The following PRDX1 variants were observed in gnomAD, a reference collection of about 807,000 sequenced individuals.
PRDX1 encodes peroxiredoxin-1.
Under a neutral mutation model 20.7 loss-of-function variants are expected in PRDX1, and 19 were observed. The observed-to-expected ratio is 0.92, with a 90% CI of 0.64 to 1.35. PRDX1 has a LOEUF of 1.35. Among genes scored for constraint, PRDX1 ranks in the 40% most tolerant of loss-of-function variants. The pLI is 0.00. For missense variants in PRDX1, 226 were observed against 240.0 expected, an observed-to-expected ratio of 0.94 and a Z score of 0.38; for synonymous variants, 89 against 83.9, an observed-to-expected ratio of 1.06 and a Z score of -0.33.
chr1:45,521,311 T>A (rs1405644277), intron 1 of PRDX1, among the ~76,000 whole-genome samples: 1 of 151,964 alleles, frequency 6.6e-6, no homozygotes, highest in Non-Finnish European at 1.5e-5. Context: ...GCAGAGAGAG[T>A]GCTTCAGCGG....
chr1:45,516,145 T>G (rs1444071444), intron 2 of PRDX1, among the ~76,000 whole-genome samples: 1 of 152,264 alleles, frequency 6.6e-6, no homozygotes, highest in Admixed American at 6.5e-5. Flanking sequence ...GATGCACTTA[T>G]AAGCATGGCC....
intron 1 of PRDX1, among the ~76,000 whole-genome samples, chr1:45,520,795 T>G (rs1447406020): frequency 3.4e-5 from 5 of 147,200 alleles, no homozygotes; most frequent in Non-Finnish European, 5.9e-5. Flanking sequence ...TCCCAGCTAC[T>G]CCTAAGGCTG....
At position 45,511,364 on chromosome 1, in the gene PRDX1, G is replaced by C. The variant is rs767040646; in HGVS notation, c.565C>G (p.Gln189Glu). 9 of 1,612,896 alleles carry C rather than the reference G, an allele frequency of 5.6e-6. No individual in the cohort carries two copies. In the East Asian group the frequency reaches 1.6e-4, roughly 28 times the overall value. ...TTGGAGAAATATTCTTTGCTCTTTT[G>C]GACATCAGGCTTGATGGTATCACTG... Reference protein sequence around the residue: ...PGSDTIKPDVQKSKEYFSKQK With the variant: ...PGSDTIKPDVEKSKEYFSKQK The change falls in exon 6 of 6, where the codon CAA (glutamine) becomes GAA (glutamate). Residue 189 changes from glutamine (Q) to glutamate (E), a missense_variant. Gln to Glu is a conservative substitution (Grantham distance 29). Transcript: ENST00000319248.
intron 2 of PRDX1, among the ~76,000 whole-genome samples, chr1:45,518,228 C>T (rs11582118): frequency 0.44 from 66,430 of 151,266 alleles, 14,782 homozygotes; most frequent in East Asian, 0.59. Flanking sequence ...TTTGGGACGC[C>T]GAGGTGGGCG....
In PRDX1 at chr1:45,520,205, C is replaced by CAAAAAAAAAAA. The variant is rs59260423; in HGVS notation, c.-11-1162_-11-1152dup. On this transcript the variant is annotated intron_variant, in intron 1 of 5. Coordinates refer to ENST00000319248, the MANE Select transcript of PRDX1 (RefSeq NM_181697.3). ...GGGCAACAGAGTGAGACTCTGTCTC[C>CAAAAAAAAAAA]AAAAAAAAAAAAAAAAAAAAGAGGC... 2.2e-4 allele frequency among the ~76,000 whole-genome samples: 20 copies of CAAAAAAAAAAA among 91,036 alleles called. 1 individual carries two copies. Among genetic ancestry groups the CAAAAAAAAAAA allele is most frequent in the African/African-American group, 7.7e-4 (17 of 21,946 alleles). 59.7% of individuals were successfully genotyped at this position (91,036 alleles called of 152,430 possible).
chr1:45,517,787 A>T (rs1643874478), intron 2 of PRDX1, among the ~76,000 whole-genome samples: 1 of 148,746 alleles, frequency 6.7e-6, no homozygotes, highest in Admixed American at 6.7e-5. Context: ...GTCTCAAAAA[A>T]AAAAAAAAAA....
chr1:45,522,636 G>C (rs1643924431), upstream of PRDX1: 1 of 152,084 alleles, frequency 6.6e-6, no homozygotes, highest in African/African-American at 2.4e-5. Context: ...TTAATTATTT[G>C]CTCCCCTGGA....
At chr1:45,515,839 T>C (rs746890055) in intron 2 of PRDX1, 32 bp from the exon 3 acceptor site, 21 of 1,528,164 alleles carry the variant, frequency 1.4e-5, no homozygotes, top group Non-Finnish European at 1.8e-5. Context: ...TGGTTAGCAT[T>C]TGACACAGAC....
intron 2 of PRDX1, among the ~76,000 whole-genome samples, chr1:45,518,105 C>CA (rs1260404862): frequency 2.6e-5 from 4 of 152,048 alleles, no homozygotes; most frequent in Non-Finnish European, 5.9e-5. Context: ...CTAGGGCAGG[C>CA]AGAGGGCTTG....
rs1643735968 is a variant in PRDX1 at position 45,511,173 on chromosome 1, G to T, written c.*156C>A. ...CATTCCTACCAAAGGAAGAAAGGCT[G>T]GTCTCTCCACCCCCTGTAGGAAAGG... On this transcript the variant is annotated 3_prime_UTR_variant, in exon 6 of 6. Coordinates refer to ENST00000319248, the MANE Select transcript of PRDX1 (RefSeq NM_181697.3). The T allele has an allele frequency of 4.8e-6, 3 of 622,416 alleles. No homozygotes were observed. In the South Asian group the frequency reaches 7.1e-5, roughly 15 times the overall value. The allele number at this position is 622,416 out of a possible 1,614,324, so 38.6% of individuals were successfully genotyped here.
intron 2 of PRDX1, among the ~76,000 whole-genome samples, chr1:45,517,362 T>C (rs549369555): frequency 6.6e-5 from 10 of 152,228 alleles, no homozygotes; most frequent in South Asian, 6.2e-4. Context: ...ACTTGACACC[T>C]GAGTTTCAGG....
chr1:45,520,432 T>C (rs1017589737), intron 1 of PRDX1, among the ~76,000 whole-genome samples: 9 of 151,892 alleles, frequency 5.9e-5, no homozygotes, highest in Non-Finnish European at 1.0e-4. Flanking sequence ...AGATTAGTAT[T>C]GAGATCTTGG....
rs1016994254 is a variant in PRDX1 at position 45,514,595 on chromosome 1, G to A, written c.426C>T (p.Ile142=). The A allele has an allele frequency of 8.1e-6, 13 of 1,613,644 alleles. No individual in the cohort carries two copies. The highest frequency in any genetic ancestry group is 1.1e-5 in the Non-Finnish European group (13 of 1,179,596). The change falls in exon 5 of 6, where the codon ATC becomes ATT. Residue 142 remains isoleucine, a synonymous_variant. Transcript: ENST00000319248. The part of the protein sequence containing the change: ...IIDDKGILRQ[I]TVNDLPVGRS... Reference sequence around the variant, plus strand: ...GGCCAACAGGGAGGTCATTTACAGTGATCTGCCGAAGAATACCCTTATCAT... The same window carrying A: ...GGCCAACAGGGAGGTCATTTACAGTAATCTGCCGAAGAATACCCTTATCAT...
chr1:45,517,816 G>C (rs2149328995), intron 2 of PRDX1, among the ~76,000 whole-genome samples: 1 of 49,766 alleles, frequency 2.0e-5, no homozygotes, highest in Middle Eastern at 9.3e-3. Context: ...TATGACAACA[G>C]AAAGGAGAGT....
At chr1:45,518,247 G>A (rs1643878112) in intron 2 of PRDX1, among the ~76,000 whole-genome samples, 1 of 151,848 alleles carries the variant, frequency 6.6e-6, no homozygotes, top group Admixed American at 6.6e-5. Context: ...CGGATCATCT[G>A]AGGTCAGGAG....
Position 45,519,010 on chromosome 1 carries a change from C to T in PRDX1, c.34G>A (p.Ala12Thr). The change falls in exon 2 of 6, where the codon GCC (alanine) becomes ACC (threonine). Residue 12 changes from alanine (A) to threonine (T), a missense_variant. Coordinates refer to ENST00000319248, the MANE Select transcript of PRDX1 (RefSeq NM_181697.3). ...ACAGCTGTGGCTTTGAAGTTGGGGG[C>T]AGGGTGCCCAATTTTAGCATTTCCT... ...SSGNAKIGHP[A>T]PNFKATAVMP... is the part of the protein sequence containing the mutation. The T allele has an allele frequency of 1.3e-6, 2 of 1,599,570 alleles. No homozygotes were observed. Among genetic ancestry groups the T allele is most frequent in the South Asian group, 2.3e-5 (2 of 87,420 alleles).
rs748234861 is a variant in PRDX1 at position 45,511,428 on chromosome 1, G to A, written c.515-14C>T. 6.2e-7 allele frequency: 1 copy of A among 1,607,046 alleles called. No homozygotes were observed. Among genetic ancestry groups the A allele is most frequent in the South Asian group, 1.1e-5 (1 of 90,450 alleles). ...CAGCTGGGCACACTGCAAGAGAAAG[G>A]CACCACTAATTAATAACCTTCTCAA... is the stretch of plus-strand genomic sequence containing the variant. On this transcript the variant is annotated splice_polypyrimidine_tract_variant and intron_variant, in intron 5 of 5. Transcript: ENST00000319248.
At chr1:45,518,886 C>A (rs1570852994) in intron 2 of PRDX1, 52 bp downstream of exon 2, 1 of 1,436,924 alleles carries the variant, frequency 7.0e-7, no homozygotes, top group South Asian at 1.2e-5. Context: ...ACAAGCCACC[C>A]CTAGAATATA....
chr1:45,513,557 A>T lies in PRDX1; in HGVS notation c.514+950T>A, dbSNP rs913397599. 2.0e-5 allele frequency among the ~76,000 whole-genome samples: 3 copies of T among 152,190 alleles called. No individual in the cohort carries two copies. The South Asian group carries it at 6.2e-4, about 31-fold the overall frequency. The stretch of plus-strand genomic sequence containing the variant: ...ATTGTTACTGTCTCTGTGTAGAAAG[A>T]AGTAGACAGAGGAGACTCCATTTTG... On this transcript the variant is annotated intron_variant, in intron 5 of 5. Transcript: ENST00000319248.
Sources: allele counts gnomAD v4.1 joint callset (sites outside exome capture counted in the v4.1 genomes callset), GRCh38; gene constraint gnomAD v4.1.1; transcripts MANE v1.5; gene names NCBI Gene and HGNC (gene_info 2026-07-23, HGNC 2026-07-21).